APBB1IP: variants seen among roughly 807,000 people sequenced by gnomAD.
The protein encoded by APBB1IP is amyloid beta precursor protein binding family B member 1 interacting protein, also known as amyloid beta A4 precursor protein-binding family B member 1-interacting protein.
APBB1IP carries 27 observed loss-of-function variants against 64.9 expected under a neutral mutation model. That is an observed-to-expected ratio of 0.42 (90% CI 0.31 to 0.57). The LOEUF is 0.57. Among genes scored for constraint, APBB1IP ranks in the 20% least tolerant of loss-of-function variants. APBB1IP has a pLI of 0.20. For synonymous variants in APBB1IP, 392 were observed against 331.0 expected (o/e 1.18, Z -2.00); for missense variants, 812 against 845.5 (o/e 0.96, Z 0.49).
chr10:26,456,739 A>AAAAAT (rs1491078263), intron 2 of APBB1IP, among the ~76,000 whole-genome samples: 1 of 30,066 alleles, frequency 3.3e-5, no homozygotes, highest in Non-Finnish European at 1.1e-4. Flanking sequence ...AACCTGTCTA[A>AAAAAT]AAAAAAAAAA....
At chr10:26,486,528 G>T (rs1489869728) in intron 2 of APBB1IP, among the ~76,000 whole-genome samples, 2 of 152,104 alleles carry the variant, frequency 1.3e-5, no homozygotes, top group Non-Finnish European at 2.9e-5. Flanking sequence ...GTGAGTCGGA[G>T]CTACTTAGAG....
intron 2 of APBB1IP, among the ~76,000 whole-genome samples, chr10:26,462,674 T>C (rs1176774857): frequency 1.3e-5 from 2 of 152,206 alleles, no homozygotes; most frequent in Non-Finnish European, 2.9e-5. Context: ...GTAATAGTGA[T>C]TTGTTGTTTT....
intron 5 of APBB1IP, among the ~76,000 whole-genome samples, 191 bp from the exon 6 acceptor site, chr10:26,503,006 C>T (rs891443261): frequency 1.3e-5 from 2 of 152,118 alleles, no homozygotes; most frequent in African/African-American, 4.8e-5. Context: ...AATGGATACC[C>T]CATTTATCCA....
chr10:26,558,907 C>T (rs1320273300), intron 11 of APBB1IP, among the ~76,000 whole-genome samples: 3 of 152,176 alleles, frequency 2.0e-5, no homozygotes, highest in African/African-American at 2.4e-5. Flanking sequence ...GTTCAGCAAC[C>T]GGAACCATTG....
chr10:26,459,683 A>C (rs1201402947), intron 2 of APBB1IP, among the ~76,000 whole-genome samples: 1 of 152,174 alleles, frequency 6.6e-6, no homozygotes, highest in Non-Finnish European at 1.5e-5. Flanking sequence ...CTGTTAAGGA[A>C]AATGTTTTCT....
chr10:26,512,208 T>C (rs916378317), intron 7 of APBB1IP, among the ~76,000 whole-genome samples: 5 of 152,304 alleles, frequency 3.3e-5, no homozygotes, highest in Non-Finnish European at 5.9e-5. Flanking sequence ...CTTCATTTCA[T>C]TGTAGTGAAG....
chr10:26,545,766 A>C (rs77197374), intron 11 of APBB1IP, among the ~76,000 whole-genome samples: 33,559 of 115,058 alleles, frequency 0.29, 4,624 homozygotes, highest in Admixed American at 0.34. Flanking sequence ...TCTCAAAAAA[A>C]AAACAAACAA....
intron 2 of APBB1IP, among the ~76,000 whole-genome samples, chr10:26,486,874 G>C (rs1759285340): frequency 1.3e-5 from 2 of 152,328 alleles, no homozygotes; most frequent in South Asian, 4.1e-4. Flanking sequence ...AAATTTCCTT[G>C]TCGTTCAAGG....
intron 2 of APBB1IP, among the ~76,000 whole-genome samples, chr10:26,472,204 C>T (rs1391325924): frequency 2.0e-5 from 3 of 152,192 alleles, no homozygotes; most frequent in African/African-American, 7.2e-5. Flanking sequence ...TTTTTCTGCA[C>T]ATGAAAACAT....
intron 2 of APBB1IP, among the ~76,000 whole-genome samples, chr10:26,446,956 A>G (rs4749135): frequency 0.39 from 58,915 of 151,866 alleles, 11,620 homozygotes; most frequent in South Asian, 0.5. Flanking sequence ...GGCATGTAAA[A>G]AAAATACATT....
chr10:26,470,768 G>T (rs139895971), intron 2 of APBB1IP, among the ~76,000 whole-genome samples: 1 of 152,116 alleles, frequency 6.6e-6, no homozygotes, highest in Admixed American at 6.6e-5. Context: ...AATAGTCAAC[G>T]TCCTGCTTCT....
At chr10:26,487,620 G>T (rs1210214647) in intron 2 of APBB1IP, among the ~76,000 whole-genome samples, 1 of 152,142 alleles carries the variant, frequency 6.6e-6, no homozygotes, top group Non-Finnish European at 1.5e-5. Flanking sequence ...TTCACCAGAT[G>T]AATGCAGGGA....
intron 3 of APBB1IP, among the ~76,000 whole-genome samples, chr10:26,493,193 C>T (rs758666990): frequency 5.3e-5 from 8 of 152,172 alleles, no homozygotes; most frequent in Non-Finnish European, 8.8e-5. Flanking sequence ...TCCCTTGTTC[C>T]CTGAACATCA....
At chr10:26,484,668 C>A (rs1441107544) in intron 2 of APBB1IP, among the ~76,000 whole-genome samples, 1 of 151,990 alleles carries the variant, frequency 6.6e-6, no homozygotes, top group East Asian at 1.9e-4. Flanking sequence ...TTAAAAAATT[C>A]CTATATAAAC....
intron 11 of APBB1IP, among the ~76,000 whole-genome samples, chr10:26,548,148 A>T (rs552175530): frequency 6.6e-6 from 1 of 152,096 alleles, no homozygotes; most frequent in East Asian, 1.9e-4. Context: ...AAATTTGAGG[A>T]TTGCTTTTTT....
rs369510497 is a variant in APBB1IP at position 26,548,322 on chromosome 10, T to G, written c.1155+6630T>G. Among the ~76,000 whole-genome samples the G allele has an allele frequency of 3.3e-5, 5 of 151,604 alleles. 1 individual carries two copies. Among genetic ancestry groups the G allele is most frequent in the African/African-American group, 1.2e-4 (5 of 41,364 alleles). The stretch of plus-strand genomic sequence containing the variant: ...ATTTAACATTAGGTATGTCTCCTAA[T>G]GCTATCCCTCCCCCCTCCCCCGACC... On this transcript the variant is annotated intron_variant, in intron 11 of 14. Transcript: ENST00000376236.
intron 11 of APBB1IP, among the ~76,000 whole-genome samples, chr10:26,556,643 T>G (rs1451392212): frequency 1.3e-5 from 2 of 152,240 alleles, no homozygotes; most frequent in East Asian, 3.8e-4. Flanking sequence ...GTTAAATGGC[T>G]AACTCTATAT....
At chr10:26,499,154 T>C (rs1472673493) in intron 4 of APBB1IP, among the ~76,000 whole-genome samples, 1 of 151,968 alleles carries the variant, frequency 6.6e-6, no homozygotes, top group African/African-American at 2.4e-5. Flanking sequence ...TAGTCCCAGC[T>C]ACTCGGGAGG....
At chr10:26,464,256 G>A (rs1355018667) in intron 2 of APBB1IP, among the ~76,000 whole-genome samples, 1 of 152,092 alleles carries the variant, frequency 6.6e-6, no homozygotes, top group Non-Finnish European at 1.5e-5. Flanking sequence ...GGAATTTTAG[G>A]AGACAGTATA....
Sources: allele counts gnomAD v4.1 joint callset (sites outside exome capture counted in the v4.1 genomes callset), GRCh38; gene constraint gnomAD v4.1.1; transcripts MANE v1.5; gene names NCBI Gene and HGNC (gene_info 2026-07-23, HGNC 2026-07-21).